The following ASIC2 variants were observed in gnomAD, a reference collection of about 807,000 sequenced individuals.
ASIC2 encodes the protein acid sensing ion channel subunit 2.
A neutral mutation model predicts 57.3 loss-of-function variants in ASIC2; 25 were observed. The ratio of observed to expected loss-of-function variants is 0.44; its 90% confidence interval spans 0.32 to 0.61. The LOEUF is 0.61. Ranked by LOEUF, ASIC2 falls within the 20% of genes least tolerant of loss-of-function variation. ASIC2 has a pLI of 0.06. For synonymous variants in ASIC2, 319 were observed against 307.5 expected, an observed-to-expected ratio of 1.04 and a Z score of -0.39; for missense variants, 641 against 738.1, an observed-to-expected ratio of 0.87 and a Z score of 1.52.
chr17:34,021,837 G>GTTTTTTTTTT (rs11394863), intron 1 of ASIC2, among the ~76,000 whole-genome samples: 14 of 118,318 alleles, frequency 1.2e-4, no homozygotes, highest in Middle Eastern at 4.8e-3. Context: ...GTTTTGTTTT[G>GTTTTTTTTTT]TTTTTTTTTT....
At chr17:34,065,878 T>C (rs1243386613) in intron 1 of ASIC2, among the ~76,000 whole-genome samples, 1 of 152,168 alleles carries the variant, frequency 6.6e-6, no homozygotes, top group Non-Finnish European at 1.5e-5. Context: ...AAATAATGCT[T>C]ACAGAGTGTT....
At chr17:33,377,237 GATGGGGTTTCACC>G (rs1246718075) in intron 1 of ASIC2, among the ~76,000 whole-genome samples, 1 of 152,148 alleles carries the variant, frequency 6.6e-6, no homozygotes, top group Non-Finnish European at 1.5e-5. Flanking sequence ...TTTTAGTAGA[GATGGGGTTTCACC>G]ATGTTTGCCA....
chr17:33,633,575 G>C (rs1187542319), intron 1 of ASIC2, among the ~76,000 whole-genome samples: 1 of 152,176 alleles, frequency 6.6e-6, no homozygotes, highest in Non-Finnish European at 1.5e-5. Context: ...ATTTCATGCA[G>C]CCTACGCCTG....
intron 1 of ASIC2, among the ~76,000 whole-genome samples, chr17:33,735,434 A>C (rs1909881585): frequency 6.6e-6 from 1 of 152,300 alleles, no homozygotes; most frequent in Middle Eastern, 3.4e-3. Flanking sequence ...TAGTGACCAA[A>C]GAAAATGCCC....
chr17:33,225,982 C>T (rs1472178589), intron 1 of ASIC2, among the ~76,000 whole-genome samples: 1 of 152,142 alleles, frequency 6.6e-6, no homozygotes, highest in African/African-American at 2.4e-5. Context: ...CTACCATGTG[C>T]CAGGCAGTAT....
chr17:33,844,496 A>C (rs1163814701), intron 1 of ASIC2, among the ~76,000 whole-genome samples: 1 of 152,184 alleles, frequency 6.6e-6, no homozygotes, highest in Non-Finnish European at 1.5e-5. Flanking sequence ...CCAAGTAAAC[A>C]AGGACCATGA....
At position 33,810,264 on chromosome 17, in the gene ASIC2, G is replaced by A. The variant is rs1244926963; in HGVS notation, c.555+345714C>T. On this transcript the variant is annotated intron_variant, in intron 1 of 9. Coordinates refer to the ASIC2 transcript ENST00000359872. ...AATGTCTTAACGTTTTAGGGAATTA[G>A]GAAGAGGCTGTTGTGGGAAGGGCAA... Among the ~76,000 whole-genome samples the A allele has an allele frequency of 5.3e-5, 8 of 152,180 alleles. No individual in the cohort carries two copies. In the East Asian group the frequency reaches 1.5e-3, roughly 29 times the overall value.
At chr17:33,044,510 T>C (rs193225572) in intron 3 of ASIC2, among the ~76,000 whole-genome samples, 1 of 152,270 alleles carries the variant, frequency 6.6e-6, no homozygotes, top group East Asian at 1.9e-4. Flanking sequence ...GTAGCTGAGA[T>C]TACAGGCACC....
chr17:33,518,495 T>C (rs1005754277), intron 1 of ASIC2, among the ~76,000 whole-genome samples: 4 of 152,186 alleles, frequency 2.6e-5, no homozygotes, highest in Non-Finnish European at 4.4e-5. Flanking sequence ...CCATCAGATC[T>C]GGGTGGGTTC....
intron 1 of ASIC2, among the ~76,000 whole-genome samples, chr17:34,100,398 C>G (rs1254251072): frequency 3.9e-5 from 6 of 152,056 alleles, no homozygotes; most frequent in Admixed American, 2.6e-4. Context: ...CGGTAAGGCT[C>G]GTCACATCAT....
intron 1 of ASIC2, among the ~76,000 whole-genome samples, chr17:33,694,536 C>A (rs921827623): frequency 2.0e-5 from 3 of 152,176 alleles, no homozygotes; most frequent in Non-Finnish European, 4.4e-5. Context: ...ATAGCCAAAT[C>A]CAAGCCACAG....
chr17:33,514,233 T>A (rs561656052), intron 1 of ASIC2, among the ~76,000 whole-genome samples: 91 of 152,206 alleles, frequency 6.0e-4, no homozygotes, highest in African/African-American at 2.0e-3. Context: ...AATTTTCAGA[T>A]GAGAGAACTG....
At chr17:34,132,411 G>GGT (rs374920870) in intron 1 of ASIC2, among the ~76,000 whole-genome samples, 3 of 151,546 alleles carry the variant, frequency 2.0e-5, no homozygotes, top group African/African-American at 7.3e-5. Flanking sequence ...TGGAGTGCGA[G>GGT]CCGGGTGGAG....
intron 1 of ASIC2, among the ~76,000 whole-genome samples, chr17:33,999,163 G>A (rs758980357): frequency 1.5e-4 from 23 of 151,912 alleles, no homozygotes; most frequent in Non-Finnish European, 2.1e-4. Flanking sequence ...TATTTTGTCC[G>A]ATATAAGCAG....
intron 1 of ASIC2, among the ~76,000 whole-genome samples, chr17:33,875,498 C>T (rs928771051): frequency 1.3e-5 from 2 of 152,162 alleles, no homozygotes; most frequent in African/African-American, 4.8e-5. Flanking sequence ...AGGCCACTGC[C>T]CCTCCCAGCA....
At chr17:33,356,982 G>A (rs1908404359) in intron 1 of ASIC2, among the ~76,000 whole-genome samples, 1 of 258 alleles carries the variant, frequency 3.9e-3, no homozygotes. Flanking sequence ...TAGGGATTAG[G>A]GACCGTCTAG....
Position 33,553,836 on chromosome 17 carries a change from T to A in ASIC2, c.556-441769A>T, listed in dbSNP as rs76363490. 2.4e-3 allele frequency among the ~76,000 whole-genome samples: 359 copies of A among 152,310 alleles called. 5 individuals are homozygous for A. The East Asian group carries it at 0.035, about 15-fold the overall frequency. On this transcript the variant is annotated intron_variant, in intron 1 of 9. Coordinates refer to the ASIC2 transcript ENST00000359872. Reference sequence around the variant, plus strand: ...ACAGATAAAATAACTTATTCTAATGTCTCACACATACTAATGAGGCTTAAA... The same window carrying A: ...ACAGATAAAATAACTTATTCTAATGACTCACACATACTAATGAGGCTTAAA...
chr17:34,099,690 A>C (rs1389526666), intron 1 of ASIC2, among the ~76,000 whole-genome samples: 2 of 149,236 alleles, frequency 1.3e-5, no homozygotes, highest in African/African-American at 5.0e-5. Flanking sequence ...GAAAAGAAAG[A>C]GAAGAAAGAA....
chr17:33,322,991 T>C (rs1418670870), intron 1 of ASIC2, among the ~76,000 whole-genome samples: 1 of 152,192 alleles, frequency 6.6e-6, no homozygotes, highest in African/African-American at 2.4e-5. Flanking sequence ...TATTTGAGAC[T>C]GTGACTATCT....
Sources: allele counts gnomAD v4.1 joint callset (sites outside exome capture counted in the v4.1 genomes callset), GRCh38; gene constraint gnomAD v4.1.1; transcripts MANE v1.5; gene names NCBI Gene and HGNC (gene_info 2026-07-23, HGNC 2026-07-21).